The following DGUOK variants were observed in gnomAD, a reference collection of about 807,000 sequenced individuals.
The protein encoded by DGUOK is deoxyguanosine kinase.
A neutral mutation model predicts 36.6 loss-of-function variants in DGUOK; 30 were observed. The ratio of observed to expected loss-of-function variants is 0.82; its 90% CI spans 0.61 to 1.11. The LOEUF is 1.11. Ranked by LOEUF, DGUOK falls within the 50% of genes most tolerant of loss-of-function variation. DGUOK has a pLI of 0.00. For synonymous variants in DGUOK, 145 were observed against 126.3 expected (o/e 1.15, Z -0.99); for missense variants, 361 against 336.4 (o/e 1.07, Z -0.57).
At chr2:73,945,344 T>C (rs7562212) in intron 2 of DGUOK, among the ~76,000 whole-genome samples, 82,799 of 152,066 alleles carry the variant, frequency 0.54, 24,092 homozygotes, top group Non-Finnish European at 0.63. Flanking sequence ...CTCTTCCTTT[T>C]TGCACTGTGA....
At chr2:73,943,261 C>T (rs559378832) in intron 2 of DGUOK, among the ~76,000 whole-genome samples, 1 of 152,168 alleles carries the variant, frequency 6.6e-6, no homozygotes, top group South Asian at 2.1e-4. Context: ...GGTATCTTCC[C>T]ACCTCAGTCT....
intron 1 of DGUOK, among the ~76,000 whole-genome samples, chr2:73,931,048 G>A (rs190025509): frequency 4.4e-4 from 67 of 152,020 alleles, no homozygotes; most frequent in African/African-American, 1.5e-3. Context: ...CGCCAGCTTC[G>A]GCCTCCCAAA....
intron 4 of DGUOK, among the ~76,000 whole-genome samples, chr2:73,954,190 T>G (rs1682922058): frequency 6.6e-6 from 1 of 151,720 alleles, no homozygotes; most frequent in Admixed American, 6.6e-5. Context: ...TACAAAAAAT[T>G]TAAAAATTAG....
At chr2:73,935,905 A>G (rs745746494) in intron 1 of DGUOK, among the ~76,000 whole-genome samples, 13 of 152,206 alleles carry the variant, frequency 8.5e-5, no homozygotes, top group Non-Finnish European at 1.3e-4. Flanking sequence ...TTTAAATTGC[A>G]TGAGTCAATT....
At chr2:73,937,042 TGATTG>T (rs1225840209) in intron 1 of DGUOK, among the ~76,000 whole-genome samples, 2 of 152,274 alleles carry the variant, frequency 1.3e-5, no homozygotes, top group African/African-American at 4.8e-5. Flanking sequence ...GAACATGGCA[TGATTG>T]GAGTTTGGTC....
intron 4 of DGUOK, among the ~76,000 whole-genome samples, chr2:73,954,046 G>T (rs979912409): frequency 7.2e-5 from 11 of 152,066 alleles, no homozygotes; most frequent in Non-Finnish European, 1.6e-4. Context: ...CAGCAAGCCG[G>T]GCCAGACTGG....
intron 2 of DGUOK, among the ~76,000 whole-genome samples, chr2:73,943,292 G>A (rs1682032927): frequency 6.6e-6 from 1 of 151,324 alleles, no homozygotes; most frequent in South Asian, 2.1e-4. Flanking sequence ...TGGGACTATA[G>A]GTGCATACCA....
intron 1 of DGUOK, among the ~76,000 whole-genome samples, chr2:73,934,451 T>C (rs970281358): frequency 3.3e-5 from 5 of 152,134 alleles, no homozygotes; most frequent in African/African-American, 7.2e-5. Flanking sequence ...TTCATAATAC[T>C]GAGAGTATAT....
At chr2:73,927,142 T>C in intron 1 of DGUOK, 90 bp downstream of exon 1, 2 of 1,555,040 alleles carry the variant, frequency 1.3e-6, no homozygotes, top group Non-Finnish European at 1.7e-6. Flanking sequence ...ATGGCCTGCG[T>C]CTGATGCGGC....
intron 1 of DGUOK, among the ~76,000 whole-genome samples, chr2:73,928,466 GAGA>G: frequency 6.6e-6 from 1 of 152,350 alleles, no homozygotes. Flanking sequence ...AGGCCTCACT[GAGA>G]AGGTGACATC....
intron 6 of DGUOK, 74 bp from the exon 7 acceptor site, chr2:73,958,636 A>C: frequency 7.8e-7 from 1 of 1,282,614 alleles, no homozygotes; most frequent in Non-Finnish European, 1.1e-6. Flanking sequence ...TTGGCTGCAT[A>C]TGCATTGGGG....
chr2:73,958,308 C>T lies in DGUOK; in HGVS notation c.807+63C>T, dbSNP rs1322338523. ...CTTTGTTGTACTTTTATCTTTCTGG[C>T]CTTTGCTTCAAAGTTCAATATCATG... On this transcript the variant is annotated intron_variant, in intron 6 of 6. Coordinates refer to ENST00000264093, the MANE Select transcript of DGUOK (RefSeq NM_080916.3). The T allele has an allele frequency of 5.1e-6, 7 of 1,367,640 alleles. No individual in the cohort carries two copies. The African/African-American group carries it at 8.5e-5, about 17-fold the overall frequency. The allele number at this position is 1,367,640 out of a possible 1,614,324, so 84.7% of individuals were successfully genotyped here. A position where few individuals can be genotyped will look rare whatever the true frequency, so the allele number is the denominator to read the frequency against.
chr2:73,951,516 C>T (rs1682703926), intron 4 of DGUOK, among the ~76,000 whole-genome samples: 1 of 151,808 alleles, frequency 6.6e-6, no homozygotes, highest in South Asian at 2.1e-4. Context: ...AATATATAGT[C>T]AAATGCCAGA....
Position 73,958,869 on chromosome 2 carries a change from T to C in DGUOK, c.*133T>C. 1.3e-6 allele frequency: 1 copy of C among 764,930 alleles called. No individual in the cohort carries two copies. The highest frequency in any genetic ancestry group is 2.5e-5 in the East Asian group (1 of 39,528). The allele number at this position is 764,930 out of a possible 1,614,324, so 47.4% of individuals were successfully genotyped here. A position where few individuals can be genotyped will look rare whatever the true frequency, so the allele number is the denominator to read the frequency against. ...GAGCACTCTGCCGCTCAAGAGCTGG[T>C]TTGTTAATTATTGTTAGACTTTGCC... is the stretch of plus-strand genomic sequence containing the variant. On this transcript the variant is annotated 3_prime_UTR_variant, in exon 7 of 7. Coordinates refer to ENST00000264093, the MANE Select transcript of DGUOK (RefSeq NM_080916.3).
intron 1 of DGUOK, among the ~76,000 whole-genome samples, chr2:73,929,015 G>C (rs1680811819): frequency 6.6e-6 from 1 of 152,228 alleles, no homozygotes; most frequent in African/African-American, 2.4e-5. Flanking sequence ...GTAAGGTAAA[G>C]AGAGGGGCCA....
intron 1 of DGUOK, among the ~76,000 whole-genome samples, chr2:73,935,417 C>T (rs759077842): frequency 1.3e-5 from 2 of 152,082 alleles, no homozygotes; most frequent in Non-Finnish European, 2.9e-5. Context: ...TTAGGAACCC[C>T]CTGTGAACAT....
intron 1 of DGUOK, among the ~76,000 whole-genome samples, chr2:73,937,133 T>A (rs927763177): frequency 6.6e-6 from 1 of 152,228 alleles, no homozygotes; most frequent in Non-Finnish European, 1.5e-5. Flanking sequence ...TCTTGTGTCT[T>A]GCAGACCATG....
intron 1 of DGUOK, among the ~76,000 whole-genome samples, chr2:73,932,314 C>A (rs1373518829): frequency 1.3e-5 from 2 of 152,214 alleles, no homozygotes; most frequent in Admixed American, 1.3e-4. Flanking sequence ...ACTGCCTCCT[C>A]TGTGGGCTGA....
intron 4 of DGUOK, among the ~76,000 whole-genome samples, chr2:73,955,866 C>CT (rs1340073196): frequency 6.6e-6 from 1 of 151,948 alleles, no homozygotes; most frequent in Non-Finnish European, 1.5e-5. Context: ...GAGCAAGACT[C>CT]TGTCTCAAAA....
Sources: allele counts gnomAD v4.1 joint callset (sites outside exome capture counted in the v4.1 genomes callset), GRCh38; gene constraint gnomAD v4.1.1; transcripts MANE v1.5; gene names NCBI Gene and HGNC (gene_info 2026-07-23, HGNC 2026-07-21).